Variants in ANXA11 observed in about 807,000 individuals in gnomAD.
ANXA11 encodes the protein annexin A11.
In ANXA11, 57 loss-of-function variants were observed where a neutral mutation model predicts 64.7. The ratio of observed to expected loss-of-function variants is 0.88; its 90% CI spans 0.71 to 1.10. The LOEUF is 1.10. Among genes scored for constraint, ANXA11 ranks in the 50% least tolerant of loss-of-function variants. ANXA11 has a pLI of 0.00. For synonymous variants in ANXA11, 260 were observed against 265.2 expected, an observed-to-expected ratio of 0.98 and a Z score of 0.19; for missense variants, 675 against 670.7, an observed-to-expected ratio of 1.01 and a Z score of -0.07.
At chr10:80,166,020 G>A in intron 8 of ANXA11, 64 bp downstream of exon 8, 1 of 1,030,366 alleles carries the variant, frequency 9.7e-7, no homozygotes, top group South Asian at 1.4e-5. Flanking sequence ...CCACACGCAT[G>A]CGCGCGTGCG....
At chr10:80,198,277 TTC>T (rs552110788) in intron 1 of ANXA11, among the ~76,000 whole-genome samples, 70 of 152,380 alleles carry the variant, frequency 4.6e-4, no homozygotes, top group African/African-American at 1.6e-3. Flanking sequence ...TTCCAGAAAC[TTC>T]TGATTGTCCT....
At chr10:80,170,341 T>C (rs567058205) in intron 4 of ANXA11, among the ~76,000 whole-genome samples, 162 of 152,336 alleles carry the variant, frequency 1.1e-3, no homozygotes, top group African/African-American at 3.7e-3. Flanking sequence ...ATAAAATGTA[T>C]TATTTTAAAA....
intron 1 of ANXA11, among the ~76,000 whole-genome samples, chr10:80,194,864 A>G (rs112676662): frequency 2.2e-4 from 34 of 152,336 alleles, no homozygotes; most frequent in African/African-American, 7.7e-4. Flanking sequence ...ACACTCGGCT[A>G]GGGCTGGCAA....
intron 1 of ANXA11, among the ~76,000 whole-genome samples, chr10:80,185,040 G>C (rs539962662): frequency 2.0e-5 from 3 of 152,312 alleles, no homozygotes; most frequent in African/African-American, 7.2e-5. Context: ...TATTTGGCCT[G>C]CAGGGCAAGG....
rs771602830 is a variant in ANXA11 at position 80,171,649 on chromosome 10, C to T, written c.56-734G>A. 178 of 985,456 alleles carry T rather than the reference C, an allele frequency of 1.8e-4. 2 individuals carry two copies. Among genetic ancestry groups the T allele is most frequent in the South Asian group, 5.2e-4 (11 of 21,286 alleles). The allele number at this position is 985,456 out of a possible 1,614,324, so 61.0% of individuals were successfully genotyped here. A position where few individuals can be genotyped will look rare whatever the true frequency, so the allele number is the denominator to read the frequency against. On this transcript the variant is annotated intron_variant, in intron 3 of 15. Coordinates refer to ENST00000422982, the MANE Select transcript of ANXA11 (RefSeq NM_145868.2). ...AGCTGGGTGCCCGATGGGCATTCGA[C>T]ATCATCATGGGGCCTCTGGCCTGTT...
At chr10:80,182,221 G>T (rs1338669726) in intron 1 of ANXA11, among the ~76,000 whole-genome samples, 1 of 149,694 alleles carries the variant, frequency 6.7e-6, no homozygotes, top group East Asian at 2.0e-4. Context: ...GTGCAAGTGT[G>T]GGGGCAGGGG....
chr10:80,184,927 G>A (rs534579411), intron 1 of ANXA11, among the ~76,000 whole-genome samples: 11 of 152,318 alleles, frequency 7.2e-5, no homozygotes, highest in African/African-American at 2.6e-4. Context: ...AAGAATGGAT[G>A]GAGTTCTGGG....
At chr10:80,193,455 T>C (rs559781640) in intron 1 of ANXA11, among the ~76,000 whole-genome samples, 35 of 152,304 alleles carry the variant, frequency 2.3e-4, no homozygotes, top group Admixed American at 9.1e-4. Context: ...TGTATTATTA[T>C]AAAATATTTT....
At chr10:80,175,931 G>A (rs1238239691) in intron 2 of ANXA11, among the ~76,000 whole-genome samples, 176 bp downstream of exon 2, 2 of 152,178 alleles carry the variant, frequency 1.3e-5, no homozygotes, top group African/African-American at 2.4e-5. Context: ...GTGGGTGCCT[G>A]TAATACCAGC....
intron 3 of ANXA11, chr10:80,171,338 AG>A: frequency 3.6e-6 from 3 of 841,164 alleles, no homozygotes; most frequent in South Asian, 7.8e-5. Context: ...CACTGGCGGG[AG>A]GGGGTTTGGC....
At chr10:80,168,754 C>G (rs1845846023) in intron 5 of ANXA11, among the ~76,000 whole-genome samples, 1 of 152,130 alleles carries the variant, frequency 6.6e-6, no homozygotes, top group South Asian at 2.1e-4. Context: ...CCAGGTTGGT[C>G]TTGAACTCCT....
chr10:80,191,406 A>G (rs1364905775), intron 1 of ANXA11, among the ~76,000 whole-genome samples: 2 of 151,960 alleles, frequency 1.3e-5, no homozygotes, highest in Non-Finnish European at 2.9e-5. Context: ...AAAACAAACA[A>G]CAACAAAAAA....
At chr10:80,156,160 A>C (rs555328023) in intron 15 of ANXA11, among the ~76,000 whole-genome samples, 2 of 152,230 alleles carry the variant, frequency 1.3e-5, no homozygotes, top group East Asian at 3.9e-4. Context: ...AATACCCACA[A>C]AAAAAAATTA....
chr10:80,205,440 AG>A lies in ANXA11; in HGVS notation c.-156del, dbSNP rs71720102. ...CGGGCGCGGCGCCTGGGTTCTGCCT[AG>A]GGGCTGGGTCCCACTCCCGCTCGCG... On this transcript the variant is annotated 5_prime_UTR_variant, in exon 1 of 16. Transcript: ENST00000422982. 0.87 allele frequency: 131,414 copies of A among 151,828 alleles called. 57,264 individuals carry two copies. The highest frequency in any genetic ancestry group is 0.97 in the African/African-American group (40,123 of 41,480). The allele number at this position is 151,828 out of a possible 1,614,324, so 9.4% of individuals were successfully genotyped here. A position where few individuals can be genotyped will look rare whatever the true frequency, so the allele number is the denominator to read the frequency against.
intron 2 of ANXA11, among the ~76,000 whole-genome samples, chr10:80,175,220 T>G (rs1425608579): frequency 6.6e-6 from 1 of 152,100 alleles, no homozygotes; most frequent in South Asian, 2.1e-4. Context: ...ACCCTCAGAC[T>G]TCACTGGTGA....
At chr10:80,157,039 G>A (rs1046020578) in intron 15 of ANXA11, 2 of 985,168 alleles carry the variant, frequency 2.0e-6, no homozygotes, top group Non-Finnish European at 2.4e-6. Flanking sequence ...ACTGTGGCTA[G>A]TGTTTAATAG....
Position 80,174,873 on chromosome 10 carries a change from G to A in ANXA11, c.-9+1234C>T, listed in dbSNP as rs980020451. On this transcript the variant is annotated intron_variant, in intron 2 of 15. Transcript: ENST00000422982. Reference sequence around the variant, plus strand: ...TGCCCAGCCTACATGCTGTTTTTAAGGAAGCTAAAGAACTTCCTTAAGGTA... The same window carrying A: ...TGCCCAGCCTACATGCTGTTTTTAAAGAAGCTAAAGAACTTCCTTAAGGTA... Among the ~76,000 whole-genome samples, 8 of 152,312 alleles carry A rather than the reference G, an allele frequency of 5.3e-5. No individual in the cohort carries two copies. In the East Asian group the frequency reaches 1.4e-3, roughly 26 times the overall value.
At chr10:80,162,053 G>C in intron 11 of ANXA11, 25 bp from the exon 12 acceptor site, 1 of 1,594,918 alleles carries the variant, frequency 6.3e-7, no homozygotes, top group Non-Finnish European at 8.6e-7. Flanking sequence ...AGACGCACAT[G>C]TGGCACAGGC....
chr10:80,162,176 C>G (rs890649867), intron 11 of ANXA11, 148 bp from the exon 12 acceptor site: 2 of 597,038 alleles, frequency 3.3e-6, no homozygotes, highest in Admixed American at 2.8e-5. Context: ...CTCTAAAGTG[C>G]CTGCTAGGCC....
Sources: allele counts gnomAD v4.1 joint callset (sites outside exome capture counted in the v4.1 genomes callset), GRCh38; gene constraint gnomAD v4.1.1; transcripts MANE v1.5; gene names NCBI Gene and HGNC (gene_info 2026-07-23, HGNC 2026-07-21).